MTERF3: variants seen among roughly 807,000 people sequenced by gnomAD.
MTERF3 encodes the protein transcription termination factor 3, mitochondrial.
In MTERF3, 40 loss-of-function variants were observed where a neutral mutation model predicts 40.5. The ratio of observed to expected loss-of-function variants is 0.99; its 90% CI spans 0.77 to 1.29. The LOEUF is 1.29. Ranked by LOEUF, MTERF3 falls within the 50% of genes most tolerant of loss-of-function variation. The pLI, the probability that MTERF3 is intolerant of heterozygous loss-of-function variation, is 0.00. For missense variants in MTERF3, 452 were observed against 478.2 expected (o/e 0.95, Z 0.51); for synonymous variants, 158 against 166.6 (o/e 0.95, Z 0.40).
chr8:96,252,375 T>G (rs1174260623), intron 3 of MTERF3, among the ~76,000 whole-genome samples: 1 of 152,238 alleles, frequency 6.6e-6, no homozygotes, highest in Non-Finnish European at 1.5e-5. Flanking sequence ...ATTATCTTTA[T>G]ATCTTATACG....
chr8:96,248,605 G>A (rs1431888352), intron 4 of MTERF3, among the ~76,000 whole-genome samples: 1 of 152,056 alleles, frequency 6.6e-6, no homozygotes, highest in Non-Finnish European at 1.5e-5. Flanking sequence ...GAGAAAAGGA[G>A]GTATTACTTG....
chr8:96,249,126 G>T (rs1172731556), intron 4 of MTERF3, among the ~76,000 whole-genome samples: 1 of 152,182 alleles, frequency 6.6e-6, no homozygotes, highest in Non-Finnish European at 1.5e-5. Context: ...TTCCTTCAAA[G>T]AATTAAATGT....
intron 4 of MTERF3, among the ~76,000 whole-genome samples, chr8:96,250,446 ATGCC>A (rs1428707188): frequency 6.7e-6 from 1 of 148,466 alleles, no homozygotes; most frequent in Non-Finnish European, 1.5e-5. Flanking sequence ...AGGGTGGCTC[ATGCC>A]TGTAAAATCC....
In MTERF3 at chr8:96,239,665, A is replaced by G. The variant is rs780346728; in HGVS notation, c.1080T>C (p.Phe360=). 1 of 1,594,546 alleles carries G rather than the reference A, an allele frequency of 6.3e-7. No individual in the cohort carries two copies. The highest frequency in any genetic ancestry group is 8.5e-7 in the Non-Finnish European group (1 of 1,175,352). ...KFPQVFNTRL[F]KVKERHLFLT... ...GAAACAAGTGTCTTTCTTTGACCTTAAACAGCCTTGTATTAAATACCTAGA... is the reference window on the plus strand; with the variant it reads ...GAAACAAGTGTCTTTCTTTGACCTTGAACAGCCTTGTATTAAATACCTAGA... Residue 360 remains phenylalanine (F), a synonymous_variant, in exon 8 of 8, where the codon TTT becomes TTC. Coordinates refer to ENST00000287025, the MANE Select transcript of MTERF3 (RefSeq NM_015942.5).
At chr8:96,258,204 G>C (rs1056754465) in intron 2 of MTERF3, 153 bp downstream of exon 2, 1 of 980,668 alleles carries the variant, frequency 1.0e-6, no homozygotes, top group African/African-American at 1.8e-5. Context: ...GTAAAATAAA[G>C]GCATGATAGA....
intron 4 of MTERF3, among the ~76,000 whole-genome samples, chr8:96,247,917 A>G (rs1810052640): frequency 6.6e-6 from 1 of 152,214 alleles, no homozygotes; most frequent in Admixed American, 6.5e-5. Context: ...AAAAAATAGC[A>G]AAGGATATAT....
In MTERF3 at chr8:96,257,125, G is replaced by A. The variant is rs781218639; in HGVS notation, c.335-11C>T. Reference sequence around the variant, plus strand: ...GCAATTCATCCAGTTCTTTGAAAGAGAGAAACAAATTAGTGCTCTAATATG... The same window carrying A: ...GCAATTCATCCAGTTCTTTGAAAGAAAGAAACAAATTAGTGCTCTAATATG... On this transcript the variant is annotated splice_polypyrimidine_tract_variant and intron_variant, in intron 2 of 7. Transcript: ENST00000287025. The A allele has an allele frequency of 2.5e-6, 4 of 1,608,674 alleles. No homozygotes were observed. In the South Asian group the frequency reaches 4.4e-5, roughly 18 times the overall value.
At chr8:96,250,559 A>T in intron 4 of MTERF3, among the ~76,000 whole-genome samples, 1 of 145,494 alleles carries the variant, frequency 6.9e-6, no homozygotes, top group South Asian at 2.3e-4. Context: ...AAAAATACAA[A>T]AATTAGCCAG....
At position 96,249,956 on chromosome 8, in the gene MTERF3, C is replaced by G. The variant is rs1367266245; in HGVS notation, c.677+950G>C. Among the ~76,000 whole-genome samples the G allele has an allele frequency of 3.3e-5, 5 of 152,182 alleles. 1 individual carries two copies. The highest frequency in any genetic ancestry group is 7.2e-5 in the African/African-American group (3 of 41,512). On this transcript the variant is annotated intron_variant, in intron 4 of 7. Coordinates refer to ENST00000287025, the MANE Select transcript of MTERF3 (RefSeq NM_015942.5). ...TGGGAATACAGACTGGGTTGAATGA[C>G]AGGTGGGGGCGACGATGAATTCAAC...
chr8:96,249,244 C>T (rs1296066665), intron 4 of MTERF3, among the ~76,000 whole-genome samples: 1 of 152,176 alleles, frequency 6.6e-6, no homozygotes. Flanking sequence ...AATTATTTAA[C>T]CTCTCTGCGA....
chr8:96,251,511 T>C (rs1810184803), intron 3 of MTERF3, among the ~76,000 whole-genome samples: 2 of 152,226 alleles, frequency 1.3e-5, no homozygotes, highest in Admixed American at 1.3e-4. Context: ...TTTCCTTAGT[T>C]ATAAGCATTA....
chr8:96,247,201 G>C (rs1286315372), intron 4 of MTERF3, among the ~76,000 whole-genome samples: 1 of 152,086 alleles, frequency 6.6e-6, no homozygotes, highest in Non-Finnish European at 1.5e-5. Context: ...TCGAACTCCT[G>C]ACTTCAAGTG....
chr8:96,259,910 A>ATTTTTTTTT (rs1480885586), intron 1 of MTERF3, among the ~76,000 whole-genome samples: 1 of 149,356 alleles, frequency 6.7e-6, no homozygotes, highest in African/African-American at 2.5e-5. Context: ...TATTATTATT[A>ATTTTTTTTT]TTATTTTTTT....
chr8:96,256,240 G>A (rs1357063920), intron 3 of MTERF3, among the ~76,000 whole-genome samples: 1 of 152,236 alleles, frequency 6.6e-6, no homozygotes, highest in Non-Finnish European at 1.5e-5. Context: ...GTCAACAAGT[G>A]AAGGCAGCTA....
At chr8:96,252,967 GC>G (rs1160810690) in intron 3 of MTERF3, among the ~76,000 whole-genome samples, 5 of 152,172 alleles carry the variant, frequency 3.3e-5, no homozygotes, top group Non-Finnish European at 5.9e-5. Context: ...TTCCCTGAAT[GC>G]CCACTATGGA....
intron 3 of MTERF3, among the ~76,000 whole-genome samples, chr8:96,253,121 T>G (rs565362731): frequency 1.3e-5 from 2 of 152,308 alleles, no homozygotes; most frequent in African/African-American, 4.8e-5. Flanking sequence ...GTTACACGTA[T>G]TTAGTACATC....
chr8:96,259,327 G>A (rs535314124), intron 1 of MTERF3, among the ~76,000 whole-genome samples: 2 of 152,170 alleles, frequency 1.3e-5, no homozygotes, highest in East Asian at 3.9e-4. Context: ...TCTTCCAAAG[G>A]GAATTGAACA....
rs867641130 is a variant in MTERF3, at chr8:96,250,694, A to G, written c.677+212T>C. ...AAGAAGAAGAAGAAGGAGGAGGAGG[A>G]GGGGGGGAGGGGGAGGGGGAGAAGA... On this transcript the variant is annotated intron_variant, in intron 4 of 7. Transcript: ENST00000287025. Among the ~76,000 whole-genome samples the G allele has an allele frequency of 3.0e-3, 52 of 17,254 alleles. 7 individuals carry two copies. The highest frequency in any genetic ancestry group is 0.017 in the South Asian group (8 of 472). 11.3% of individuals were successfully genotyped at this position (17,254 alleles called of 152,430 possible). A position where few individuals can be genotyped will look rare whatever the true frequency, so the allele number is the denominator to read the frequency against.
Position 96,258,429 on chromosome 8 carries a change from G to C in MTERF3, c.262C>G (p.Leu88Val). Residue 88 changes from leucine (L) to valine (V), a missense_variant, in exon 2 of 8, where the codon CTT (leucine) becomes GTT (valine). Physicochemically the swap from Leu to Val is conservative, Grantham distance 32. Coordinates refer to ENST00000287025, the MANE Select transcript of MTERF3 (RefSeq NM_015942.5). ...QENNSAQSSL[L>V]PSMNEQSQKT... The stretch of plus-strand genomic sequence containing the variant: ...TGTGACTGTTCATTCATGGAAGGAA[G>C]CAGACTGCTTTGGGCAGAATTATTC... 8.1e-6 allele frequency: 13 copies of C among 1,614,126 alleles called. 1 individual carries two copies. The South Asian group carries it at 1.4e-4, about 18-fold the overall frequency.
Sources: allele counts gnomAD v4.1 joint callset (sites outside exome capture counted in the v4.1 genomes callset), GRCh38; gene constraint gnomAD v4.1.1; transcripts MANE v1.5; gene names NCBI Gene and HGNC (gene_info 2026-07-23, HGNC 2026-07-21).